Variants in SLC24A2 observed in about 807,000 individuals in gnomAD.
SLC24A2 encodes the protein solute carrier family 24 member 2.
A neutral mutation model predicts 62.0 loss-of-function variants in SLC24A2; 36 were observed. The ratio of observed to expected loss-of-function variants is 0.58; its 90% CI spans 0.44 to 0.77. The LOEUF (loss-of-function observed/expected upper bound fraction) is 0.77, where lower values mean the gene tolerates loss of function less well. SLC24A2 is among the 30% of genes least tolerant of loss of function. The pLI is 0.00. For missense variants in SLC24A2, 846 were observed against 817.9 expected, an observed-to-expected ratio of 1.03 and a Z score of -0.42; for synonymous variants, 358 against 294.0, an observed-to-expected ratio of 1.22 and a Z score of -2.23.
chr9:20,287,108 G>A, the SLC24A2 span, among the ~76,000 whole-genome samples: 4,487 of 152,240 alleles, frequency 0.029, 108 homozygotes, highest in East Asian at 0.14. Context: ...GCTGCATTCC[G>A]GGAAACATTG....
At chr9:19,540,325 A>T (rs1413612856) in intron 8 of SLC24A2, among the ~76,000 whole-genome samples, 1 of 143,884 alleles carries the variant, frequency 7.0e-6, no homozygotes, top group Non-Finnish European at 1.5e-5. Context: ...TTTTGGCATG[A>T]TTTTGCAGCG....
chr9:19,531,935 A>G (rs1833728961), intron 8 of SLC24A2, among the ~76,000 whole-genome samples: 1 of 152,180 alleles, frequency 6.6e-6, no homozygotes, highest in Non-Finnish European at 1.5e-5. Context: ...AGATAATTAT[A>G]TTTGTTATTA....
chr9:20,044,616 A>G, the SLC24A2 span, among the ~76,000 whole-genome samples: 1 of 149,938 alleles, frequency 6.7e-6, no homozygotes, highest in Non-Finnish European at 1.5e-5. Context: ...ATTTTATCTC[A>G]TCTAATCAAT....
intron 2 of SLC24A2, among the ~76,000 whole-genome samples, chr9:19,714,719 A>G (rs1226541361): frequency 6.6e-6 from 1 of 152,214 alleles, no homozygotes; most frequent in East Asian, 1.9e-4. Context: ...AGTGAAACAA[A>G]TTAAGATATC....
chr9:19,878,205 G>A, the SLC24A2 span, among the ~76,000 whole-genome samples: 1 of 152,018 alleles, frequency 6.6e-6, no homozygotes, highest in South Asian at 2.1e-4. Flanking sequence ...GAATTTAGGC[G>A]GCTGCAGTTT....
At chr9:19,881,490 T>C in the SLC24A2 span, among the ~76,000 whole-genome samples, 1 of 152,134 alleles carries the variant, frequency 6.6e-6, no homozygotes, top group African/African-American at 2.4e-5. Context: ...AGACATAATA[T>C]GTAAAGGATA....
the SLC24A2 span, among the ~76,000 whole-genome samples, chr9:19,903,457 G>T: frequency 1.7e-4 from 26 of 152,222 alleles, no homozygotes; most frequent in East Asian, 5.0e-3. Flanking sequence ...CACCACATTG[G>T]GGATTAAGGC....
chr9:19,618,727 G>A (rs919917760), intron 4 of SLC24A2, among the ~76,000 whole-genome samples: 5 of 152,136 alleles, frequency 3.3e-5, no homozygotes, highest in Admixed American at 2.0e-4. Context: ...TCAGTGGCAC[G>A]TATCTATTTC....
the SLC24A2 span, among the ~76,000 whole-genome samples, chr9:19,993,892 T>A: frequency 1.3e-5 from 2 of 152,184 alleles, no homozygotes; most frequent in Non-Finnish European, 1.5e-5. Flanking sequence ...CAGTCAGATC[T>A]AAAAACAGGA....
the SLC24A2 span, among the ~76,000 whole-genome samples, chr9:19,887,022 G>A: frequency 7.6e-4 from 115 of 152,154 alleles, 1 homozygote; most frequent in East Asian, 0.022. Context: ...TGGACACAGG[G>A]AGGAAAACAA....
chr9:19,631,783 G>A (rs933963560), intron 2 of SLC24A2, among the ~76,000 whole-genome samples: 5 of 152,098 alleles, frequency 3.3e-5, no homozygotes, highest in Non-Finnish European at 7.4e-5. Flanking sequence ...AATACAGAGT[G>A]GCATCATTAA....
intron 2 of SLC24A2, among the ~76,000 whole-genome samples, chr9:19,702,271 A>C (rs1820377686): frequency 6.6e-6 from 1 of 152,150 alleles, no homozygotes; most frequent in Non-Finnish European, 1.5e-5. Context: ...GTGCTCCTAA[A>C]ACGTTTATTG....
chr9:20,170,137 G>GA, the SLC24A2 span, among the ~76,000 whole-genome samples: 66 of 138,966 alleles, frequency 4.7e-4, no homozygotes, highest in South Asian at 1.6e-3. Flanking sequence ...AAGACAAAAA[G>GA]AAAAAAAAAA....
the SLC24A2 span, among the ~76,000 whole-genome samples, chr9:20,212,023 C>G: frequency 2.6e-5 from 4 of 151,854 alleles, no homozygotes; most frequent in Non-Finnish European, 5.9e-5. Context: ...ATTAATATAT[C>G]AGAAATAAAA....
At chr9:19,614,121 T>G (rs943609136) in intron 4 of SLC24A2, among the ~76,000 whole-genome samples, 1 of 152,208 alleles carries the variant, frequency 6.6e-6, no homozygotes, top group African/African-American at 2.4e-5. Context: ...TTCATGAAGA[T>G]GTACCCCTGA....
the SLC24A2 span, among the ~76,000 whole-genome samples, chr9:19,914,618 A>G: frequency 2.6e-5 from 4 of 152,224 alleles, no homozygotes; most frequent in South Asian, 8.3e-4. Context: ...ATGTTCTCTT[A>G]AGGCATTCTG....
chr9:19,553,260 A>T (rs1203353143), intron 7 of SLC24A2, among the ~76,000 whole-genome samples: 2 of 152,204 alleles, frequency 1.3e-5, no homozygotes, highest in Non-Finnish European at 2.9e-5. Context: ...TTCAAACTGG[A>T]TGCTCCAGGG....
At chr9:20,016,663 T>C in the SLC24A2 span, among the ~76,000 whole-genome samples, 1 of 152,198 alleles carries the variant, frequency 6.6e-6, no homozygotes, top group Non-Finnish European at 1.5e-5. Flanking sequence ...TTCTAAATCA[T>C]GGAGAATATA....
chr9:19,756,253 A>G (rs1822137378), intron 2 of SLC24A2, among the ~76,000 whole-genome samples: 1 of 152,204 alleles, frequency 6.6e-6, no homozygotes, highest in Admixed American at 6.5e-5. Flanking sequence ...TATATAATAA[A>G]TATTTGATGA....
Sources: gnomAD v4.1 joint callset for allele counts (sites outside exome capture counted in the v4.1 genomes callset) on GRCh38, gnomAD v4.1.1 for gene constraint, MANE v1.5 for transcripts, NCBI Gene and HGNC (gene_info 2026-07-23, HGNC 2026-07-21) for gene names.